The following CUX1 variants were observed in gnomAD, a reference collection of about 807,000 sequenced individuals.
CUX1 encodes cut like homeobox 1, also known as protein CASP.
Under a neutral mutation model 158.8 loss-of-function variants are expected in CUX1, and 31 were observed. The observed-to-expected ratio is 0.20, with a 90% CI of 0.15 to 0.26. The LOEUF (loss-of-function observed/expected upper bound fraction) is 0.26, where lower values mean the gene tolerates loss of function less well. CUX1 is among the 10% of genes least tolerant of loss of function. The pLI is 1.00. For synonymous variants in CUX1, 879 were observed against 862.1 expected (o/e 1.02, Z -0.34); for missense variants, 1,589 against 2,014.6 (o/e 0.79, Z 4.04).
chr7:102,269,572 A>ATTTTTTTTTTT (rs71123030), intron 14 of CUX1, among the ~76,000 whole-genome samples: 150 of 107,754 alleles, frequency 1.4e-3, no homozygotes, highest in African/African-American at 2.6e-3. Flanking sequence ...TGCCCGGCTA[A>ATTTTTTTTTTT]TTTTTTTTTT....
chr7:102,057,838 G>A (rs888933591), intron 3 of CUX1, among the ~76,000 whole-genome samples: 2 of 152,200 alleles, frequency 1.3e-5, no homozygotes, highest in African/African-American at 4.8e-5. Flanking sequence ...ATAAAGCAGT[G>A]ACTGGGTTTG....
rs1210856514 is a variant in CUX1 at position 102,234,844 on chromosome 7, A to G, written c.3622+604A>G. The stretch of plus-strand genomic sequence containing the variant: ...CTACTTGGGAGGCTGAGGCACAAGA[A>G]TCGCTTGAACCCTGCAGGCGGTGAA... On this transcript the variant is annotated intron_variant, in intron 22 of 23. Coordinates refer to ENST00000292535, the MANE Select transcript of CUX1 (RefSeq NM_181552.4). 4.6e-5 allele frequency among the ~76,000 whole-genome samples: 7 copies of G among 152,124 alleles called. No homozygotes were observed. In the East Asian group the frequency reaches 9.7e-4, roughly 21 times the overall value.
At chr7:102,283,126 G>A (rs374386627) in exon 23 of CUX1, 258 of 1,548,604 alleles carry the variant, frequency 1.7e-4, no homozygotes, top group Non-Finnish European at 2.1e-4. Flanking sequence ...TGACGGCTGC[G>A]CCTCCACCCC....
chr7:102,218,859 C>G (rs147280911), intron 20 of CUX1, among the ~76,000 whole-genome samples: 17 of 151,940 alleles, frequency 1.1e-4, no homozygotes, highest in African/African-American at 4.1e-4. Flanking sequence ...TCAAGACCAG[C>G]TTGGGCAACA....
chr7:102,263,314 CT>C (rs71123026), intron 14 of CUX1, among the ~76,000 whole-genome samples: 189 of 89,522 alleles, frequency 2.1e-3, no homozygotes, highest in African/African-American at 4.4e-3. Context: ...CACACCTAGC[CT>C]TTTTTTTTTT....
intron 2 of CUX1, among the ~76,000 whole-genome samples, chr7:101,978,612 C>A (rs1813014741): frequency 6.6e-6 from 1 of 152,242 alleles, no homozygotes; most frequent in Non-Finnish European, 1.5e-5. Context: ...CCTGCTAGAC[C>A]CTCTGATGTC....
At chr7:102,041,246 C>G (rs1406046312) in intron 3 of CUX1, among the ~76,000 whole-genome samples, 1 of 127,826 alleles carries the variant, frequency 7.8e-6, no homozygotes, top group African/African-American at 2.9e-5. Context: ...ATTGTCACCT[C>G]TTATCCATTC....
chr7:101,913,586 G>T, intron 1 of CUX1: 1 of 253,108 alleles, frequency 4.0e-6, no homozygotes, highest in African/African-American at 2.3e-5. Context: ...ATCTTCCCCA[G>T]CGTTTCCCAC....
At chr7:101,857,325 A>G (rs1019693955) in intron 1 of CUX1, among the ~76,000 whole-genome samples, 4 of 152,248 alleles carry the variant, frequency 2.6e-5, no homozygotes, top group African/African-American at 9.6e-5. Context: ...AAAAAGAAAT[A>G]ACTATTTTCT....
chr7:101,834,995 CATAAATAAATAA>C (rs60371062), intron 1 of CUX1, among the ~76,000 whole-genome samples: 23,193 of 148,944 alleles, frequency 0.16, 1,939 homozygotes, highest in Non-Finnish European at 0.19. Flanking sequence ...GACTCTGTGT[CATAAATAAATAA>C]ATAAATAAAT....
chr7:102,282,026 A>G lies in CUX1; in HGVS notation c.1902+106A>G, dbSNP rs1360383201. 3 of 801,290 alleles carry G rather than the reference A, an allele frequency of 3.7e-6. No homozygotes were observed. In the African/African-American group the frequency reaches 5.1e-5, roughly 14 times the overall value. The allele number at this position is 801,290 out of a possible 1,614,324, so 49.6% of individuals were successfully genotyped here. On this transcript the variant is annotated intron_variant, in intron 21 of 22. Transcript: ENST00000292538. ...TGGCCTGGCCCCTGGGCCTACCCCA[A>G]GCTGCATCTCTAGCTTGCGGCCATG... is the stretch of plus-strand genomic sequence containing the variant.
intron 1 of CUX1, among the ~76,000 whole-genome samples, chr7:101,880,725 G>A (rs73712582): frequency 0.031 from 4,770 of 152,212 alleles, 246 homozygotes; most frequent in African/African-American, 0.11. Context: ...GGGTTTTTTG[G>A]TGTCACGTGA....
chr7:102,108,697 TAGAG>T (rs375327789), intron 6 of CUX1, among the ~76,000 whole-genome samples: 6 of 151,324 alleles, frequency 4.0e-5, no homozygotes, highest in African/African-American at 4.9e-5. Flanking sequence ...AACTGATTCT[TAGAG>T]GGAAGGGCTG....
chr7:102,016,447 T>C (rs10248831), intron 2 of CUX1, among the ~76,000 whole-genome samples: 64,465 of 152,078 alleles, frequency 0.42, 14,302 homozygotes, highest in Non-Finnish European at 0.46. Flanking sequence ...AAATAGCCAC[T>C]CAACAAACAT....
intron 1 of CUX1, among the ~76,000 whole-genome samples, chr7:101,910,006 G>C (rs1803238209): frequency 6.6e-6 from 1 of 152,070 alleles, no homozygotes; most frequent in African/African-American, 2.4e-5. Context: ...TGCAACCTCC[G>C]CCTCCCGAGT....
At chr7:102,220,287 G>A (rs1797677753) in intron 20 of CUX1, among the ~76,000 whole-genome samples, 1 of 152,208 alleles carries the variant, frequency 6.6e-6, no homozygotes, top group Non-Finnish European at 1.5e-5. Flanking sequence ...CTTGAAACCG[G>A]GAGGCGGAGG....
At chr7:102,046,143 G>C (rs975729989) in intron 3 of CUX1, among the ~76,000 whole-genome samples, 1 of 152,248 alleles carries the variant, frequency 6.6e-6, no homozygotes, top group Non-Finnish European at 1.5e-5. Flanking sequence ...TTGCAGGTAA[G>C]GAAATTGAGG....
chr7:101,865,912 G>A (rs948917317), intron 1 of CUX1, among the ~76,000 whole-genome samples: 3 of 152,202 alleles, frequency 2.0e-5, no homozygotes, highest in Non-Finnish European at 2.9e-5. Context: ...CAACGCAGGC[G>A]ACCTTGACGT....
intron 20 of CUX1, among the ~76,000 whole-genome samples, chr7:102,224,993 C>G (rs1208486781): frequency 6.6e-6 from 1 of 152,206 alleles, no homozygotes; most frequent in Non-Finnish European, 1.5e-5. Flanking sequence ...ATGGGTGAAT[C>G]ACGCCATCCT....
Sources: allele counts gnomAD v4.1 joint callset (sites outside exome capture counted in the v4.1 genomes callset), GRCh38; gene constraint gnomAD v4.1.1; transcripts MANE v1.5; gene names NCBI Gene and HGNC (gene_info 2026-07-23, HGNC 2026-07-21).